C6: variants seen among roughly 807,000 people sequenced by gnomAD.
C6 encodes complement component C6.
C6 carries 101 observed loss-of-function variants against 112.9 expected under a neutral mutation model. The observed-to-expected ratio is 0.89, with a 90% CI of 0.76 to 1.06. The LOEUF (loss-of-function observed/expected upper bound fraction) is 1.06, where lower values mean the gene tolerates loss of function less well. C6 is among the 50% of genes least tolerant of loss of function. The pLI is 0.00. For synonymous variants in C6, 431 were observed against 384.1 expected, an observed-to-expected ratio of 1.12 and a Z score of -1.43; for missense variants, 1,202 against 1,104.6, an observed-to-expected ratio of 1.09 and a Z score of -1.25.
intron 15 of C6, among the ~76,000 whole-genome samples, chr5:41,151,528 T>C (rs772404006): frequency 6.6e-6 from 1 of 152,182 alleles, no homozygotes. Context: ...CCAAACAACG[T>C]AGATATATAG....
At chr5:41,239,220 T>C (rs1290550241) in intron 1 of C6, among the ~76,000 whole-genome samples, 1 of 151,700 alleles carries the variant, frequency 6.6e-6, no homozygotes, top group Non-Finnish European at 1.5e-5. Flanking sequence ...CAAGTGATTC[T>C]TCTGTCTCAG....
intron 9 of C6, among the ~76,000 whole-genome samples, chr5:41,170,139 A>G (rs1308538998): frequency 6.6e-6 from 1 of 151,990 alleles, no homozygotes; most frequent in Non-Finnish European, 1.5e-5. Flanking sequence ...CAGTTTTTCT[A>G]TTTCATTTAC....
intron 6 of C6, 99 bp from the exon 7 acceptor site, chr5:41,181,658 G>T: frequency 2.0e-6 from 2 of 1,011,820 alleles, no homozygotes; most frequent in Non-Finnish European, 3.0e-6. Context: ...TATGCACTCA[G>T]CCAGTATTTA....
In C6 at chr5:41,198,801, C is replaced by A. The variant is rs1334029211; in HGVS notation, c.445+967G>T. Among the ~76,000 whole-genome samples the A allele has an allele frequency of 2.2e-4, 33 of 152,000 alleles. 1 individual carries two copies. Among genetic ancestry groups the A allele is most frequent in the Admixed American group, 2.2e-3 (33 of 15,254 alleles). On this transcript the variant is annotated intron_variant, in intron 4 of 17. Coordinates refer to ENST00000337836, the MANE Select transcript of C6 (RefSeq NM_000065.5). ...CTTTTTTGCTTATATGTAGTAAAAA[C>A]CATCTTTCAAGCTTCAAATAGTTAT...
chr5:41,214,842 G>A (rs978245032), upstream of C6, among the ~76,000 whole-genome samples: 1 of 152,072 alleles, frequency 6.6e-6, no homozygotes, highest in Non-Finnish European at 1.5e-5. Flanking sequence ...GCTTAAAGAG[G>A]ACTTTATTTG....
intron 16 of C6, 116 bp downstream of exon 16, chr5:41,149,819 G>T: frequency 1.3e-6 from 1 of 773,066 alleles, no homozygotes; most frequent in Non-Finnish European, 2.3e-6. Context: ...TATCAGTTAT[G>T]TGGAAAATTC....
intron 11 of C6, among the ~76,000 whole-genome samples, chr5:41,159,675 G>A (rs998516043): frequency 8.7e-5 from 13 of 150,152 alleles, no homozygotes; most frequent in South Asian, 8.4e-4. Flanking sequence ...GAGGATTTGA[G>A]GTAACTATGA....
chr5:41,228,911 G>T (rs1739698791), intron 1 of C6, among the ~76,000 whole-genome samples: 1 of 152,104 alleles, frequency 6.6e-6, no homozygotes, highest in Admixed American at 6.6e-5. Context: ...ATATTGACCT[G>T]TAGTTTTCTT....
chr5:41,236,302 C>A (rs1486592264), intron 1 of C6, among the ~76,000 whole-genome samples: 1 of 135,098 alleles, frequency 7.4e-6, no homozygotes, highest in African/African-American at 2.8e-5. Flanking sequence ...ATATGGCTAG[C>A]CAGTTTTCCC....
chr5:41,223,396 A>T (rs928558172), intron 1 of C6, among the ~76,000 whole-genome samples: 2 of 152,182 alleles, frequency 1.3e-5, no homozygotes, highest in Admixed American at 6.6e-5. Context: ...ACAATTACAC[A>T]ATAGGCTGGG....
intron 9 of C6, among the ~76,000 whole-genome samples, chr5:41,166,216 T>A (rs565525682): frequency 2.6e-5 from 4 of 152,246 alleles, no homozygotes; most frequent in African/African-American, 9.6e-5. Context: ...ATAGTGACAA[T>A]ATTTAATAGG....
intron 2 of C6, 82 bp from the exon 3 acceptor site, chr5:41,201,796 T>A: frequency 8.0e-7 from 1 of 1,247,970 alleles, no homozygotes; most frequent in Non-Finnish European, 1.2e-6. Context: ...CATTGAGCAT[T>A]AACTACAATA....
intron 9 of C6, among the ~76,000 whole-genome samples, chr5:41,167,267 A>G (rs896350676): frequency 1.3e-5 from 2 of 152,112 alleles, no homozygotes; most frequent in African/African-American, 4.8e-5. Context: ...CTCTTGAGAG[A>G]GAAAAAGAAT....
intron 2 of C6, 141 bp downstream of exon 2, chr5:41,202,947 A>G: frequency 2.4e-6 from 2 of 845,608 alleles, no homozygotes; most frequent in Admixed American, 1.8e-5. Flanking sequence ...TAAGAGAGAG[A>G]CTTCAAATTT....
chr5:41,222,606 G>A (rs1264840731), intron 1 of C6, among the ~76,000 whole-genome samples: 1 of 152,004 alleles, frequency 6.6e-6, no homozygotes, highest in African/African-American at 2.4e-5. Context: ...TTAAACAATT[G>A]CATTATTTCA....
At chr5:41,198,410 C>T (rs572556365) in intron 4 of C6, among the ~76,000 whole-genome samples, 2 of 152,168 alleles carry the variant, frequency 1.3e-5, no homozygotes, top group African/African-American at 2.4e-5. Context: ...TCACCCAGTC[C>T]GAATGGATGC....
intron 1 of C6, among the ~76,000 whole-genome samples, chr5:41,206,330 G>A (rs113326223): frequency 0.027 from 4,114 of 152,288 alleles, 67 homozygotes; most frequent in Middle Eastern, 0.061. Flanking sequence ...CCAAAGGAAC[G>A]CAGCTCCTTG....
At chr5:41,222,347 A>G (rs900978542) in intron 1 of C6, among the ~76,000 whole-genome samples, 1 of 151,984 alleles carries the variant, frequency 6.6e-6, no homozygotes, top group Non-Finnish European at 1.5e-5. Context: ...TTATATGCTA[A>G]TAGCTTTTTA....
chr5:41,204,329 C>T (rs1463194154), intron 1 of C6, among the ~76,000 whole-genome samples: 6 of 152,140 alleles, frequency 3.9e-5, no homozygotes, highest in Admixed American at 2.6e-4. Context: ...AGAATCATCA[C>T]TTAATAAATA....
Sources: allele counts gnomAD v4.1 joint callset (sites outside exome capture counted in the v4.1 genomes callset), GRCh38; gene constraint gnomAD v4.1.1; transcripts MANE v1.5; gene names NCBI Gene and HGNC (gene_info 2026-07-23, HGNC 2026-07-21).